CD276: variants seen among roughly 807,000 people sequenced by gnomAD.
CD276 encodes the protein CD276 molecule, also known as CD276 antigen.
A neutral mutation model predicts 50.0 loss-of-function variants in CD276; 34 were observed. The ratio of observed to expected loss-of-function variants is 0.68; its 90% CI spans 0.52 to 0.91. CD276 has a LOEUF of 0.91. Ranked by LOEUF, CD276 falls within the 40% of genes least tolerant of loss-of-function variation. The pLI, the probability that CD276 is intolerant of heterozygous loss-of-function variation, is 0.00. For synonymous variants in CD276, 275 were observed against 313.0 expected (o/e 0.88, Z 1.28); for missense variants, 634 against 717.5 (o/e 0.88, Z 1.33).
At chr15:73,706,592 C>T (rs1201869962) in intron 6 of CD276, among the ~76,000 whole-genome samples, 2 of 152,230 alleles carry the variant, frequency 1.3e-5, no homozygotes, top group Admixed American at 6.5e-5. Context: ...ACCAGCCAGC[C>T]TCCTGTTTCT....
intron 1 of CD276, among the ~76,000 whole-genome samples, chr15:73,688,285 C>T (rs548175313): frequency 8.6e-5 from 13 of 152,036 alleles, no homozygotes; most frequent in South Asian, 2.1e-4. Flanking sequence ...CCCATGCTTG[C>T]GGCAATAATA....
At position 73,703,982 on chromosome 15, in the gene CD276, A is replaced by C; in HGVS notation, c.1057A>C (p.Ser353Arg). ...CCGGGATTTCGGCAGCGCTGCCGTCAGCCTGCAGGTGGCCGGTGAGCACCA... is the reference window on the plus strand; with the variant it reads ...CCGGGATTTCGGCAGCGCTGCCGTCCGCCTGCAGGTGGCCGGTGAGCACCA... ...SIRDFGSAAV[S>R]LQVAAPYSKP... The change falls in exon 5 of 10, where the codon AGC becomes CGC. Residue 353 changes from serine (S) to arginine (R), a missense_variant. Transcript: ENST00000318443. The C allele has an allele frequency of 6.2e-7, 1 of 1,610,046 alleles. No individual in the cohort carries two copies. The highest frequency in any genetic ancestry group is 1.1e-5 in the South Asian group (1 of 90,924).
Position 73,712,994 on chromosome 15 carries a change from T to C in CD276, c.*38T>C. The C allele has an allele frequency of 6.2e-7, 1 of 1,606,014 alleles. No individual in the cohort carries two copies. The highest frequency in any genetic ancestry group is 8.5e-7 in the Non-Finnish European group (1 of 1,173,440). ...GGGAGCTGCTACCCCTCCCTACAGC[T>C]CCTACCCTCTGGCTGCAATGGGGCT... On this transcript the variant is annotated 3_prime_UTR_variant, in exon 10 of 10. Coordinates refer to ENST00000318443, the MANE Select transcript of CD276 (RefSeq NM_001024736.2).
At position 73,711,416 on chromosome 15, in the gene CD276, T is replaced by C. The variant is rs570960362; in HGVS notation, c.1582+246T>C. On this transcript the variant is annotated intron_variant, in intron 9 of 9. Transcript: ENST00000318443. ...AGTTTATTCCTCCTTCCTGTGATAG[T>C]GTGAGCATAGGTAATCGTAAAACCA... is the stretch of plus-strand genomic sequence containing the variant. The C allele has an allele frequency of 1.7e-5, 9 of 522,812 alleles. No homozygotes were observed. The Admixed American group carries it at 2.0e-4, about 12-fold the overall frequency. 32.4% of individuals were successfully genotyped at this position (522,812 alleles called of 1,614,324 possible). A position where few individuals can be genotyped will look rare whatever the true frequency, so the allele number is the denominator to read the frequency against.
At chr15:73,709,013 A>G (rs1269465694) in intron 7 of CD276, among the ~76,000 whole-genome samples, 1 of 152,128 alleles carries the variant, frequency 6.6e-6, no homozygotes, top group East Asian at 1.9e-4. Flanking sequence ...GGGTAAACAG[A>G]TGCATGAGAG....
rs751682061 is a variant in CD276, at chr15:73,704,288, C to A, written c.1185C>A (p.Phe395Leu). 1.2e-5 allele frequency: 19 copies of A among 1,613,928 alleles called. No homozygotes were observed. The highest frequency in any genetic ancestry group is 1.6e-5 in the Non-Finnish European group (19 of 1,180,034). ...GGGGCTACCCTGAGGCTGAGGTGTT[C>A]TGGCAGGATGGGCAGGGTGTGCCCC... ...SYRGYPEAEV[F>L]WQDGQGVPLT... Residue 395 changes from phenylalanine (F) to leucine (L), a missense_variant, in exon 6 of 10, where the codon TTC (phenylalanine) becomes TTA (leucine). Transcript: ENST00000318443. The surrounding 1 kb of genome is among the most constrained non-coding windows in gnomAD (Gnocchi z 4.1).
rs551642207 is a variant in CD276, at chr15:73,714,247, C to T, written c.*1291C>T. The T allele has an allele frequency of 6.7e-5, 13 of 193,198 alleles. No individual in the cohort carries two copies. The highest frequency in any genetic ancestry group is 3.1e-4 in the African/African-American group (13 of 41,758). The allele number at this position is 193,198 out of a possible 1,614,324, so 12.0% of individuals were successfully genotyped here. On this transcript the variant is annotated 3_prime_UTR_variant, in exon 10 of 10. Coordinates refer to ENST00000318443, the MANE Select transcript of CD276 (RefSeq NM_001024736.2). ...AGGCAGAGCCTGGGGCAGGGCAGGGCCAGGAATGCTTTGGGGACACCGAGG... is the reference window on the plus strand; with the variant it reads ...AGGCAGAGCCTGGGGCAGGGCAGGGTCAGGAATGCTTTGGGGACACCGAGG...
intron 1 of CD276, among the ~76,000 whole-genome samples, chr15:73,692,459 G>A (rs1162755939): frequency 6.6e-6 from 1 of 152,002 alleles, no homozygotes; most frequent in Non-Finnish European, 1.5e-5. Context: ...TTTACTCCTC[G>A]GTGAAATAGG....
intron 1 of CD276, among the ~76,000 whole-genome samples, chr15:73,694,046 T>C (rs1487509153): frequency 6.6e-6 from 1 of 152,226 alleles, no homozygotes; most frequent in South Asian, 2.1e-4. Context: ...ATGACTGCCA[T>C]GTCCCTCTGT....
chr15:73,684,578 G>GT, intron 1 of CD276, 118 bp downstream of exon 1: 2 of 151,972 alleles, frequency 1.3e-5, no homozygotes, highest in Non-Finnish European at 2.9e-5. Flanking sequence ...AGCTGAGCAG[G>GT]GCGCCTTCCC....
rs747401348 is a variant in CD276, at chr15:73,702,388, T to C, written c.213T>C (p.Asp71=). ...TCAACCTCATCTGGCAGCTGACAGATACCAAACAGCTGGTGCACAGCTTTG... is the reference window on the plus strand; with the variant it reads ...TCAACCTCATCTGGCAGCTGACAGACACCAAACAGCTGGTGCACAGCTTTG... The part of the protein sequence containing the change: ...AQLNLIWQLT[D]TKQLVHSFAE... The change falls in exon 3 of 10, where the codon GAT becomes GAC. Residue 71 remains aspartate (D), a synonymous_variant. Transcript: ENST00000318443. 16 of 1,613,620 alleles carry C rather than the reference T, an allele frequency of 9.9e-6. No homozygotes were observed. Among genetic ancestry groups the C allele is most frequent in the South Asian group, 4.4e-5 (4 of 91,094 alleles).
chr15:73,709,571 C>T, intron 7 of CD276, 77 bp from the exon 8 acceptor site: 1 of 1,462,522 alleles, frequency 6.8e-7, no homozygotes, highest in Non-Finnish European at 9.6e-7. Context: ...GCTTCCTGCA[C>T]TCTCAGGTGG....
Position 73,703,894 on chromosome 15 carries a change from A to C in CD276, c.969A>C (p.Ala323=), listed in dbSNP as rs777160529. 7.4e-6 allele frequency: 12 copies of C among 1,613,596 alleles called. No homozygotes were observed. The highest frequency in any genetic ancestry group is 1.0e-5 in the Non-Finnish European group (12 of 1,180,010). ...CGGACCTGCTGGCACAAGGCAATGC[A>C]TCCCTGAGGCTGCAGCGCGTGCGTG... The part of the protein sequence containing the change: ...LFPDLLAQGN[A]SLRLQRVRVA... Residue 323 remains alanine, a synonymous_variant, in exon 5 of 10, where the codon GCA becomes GCC. Coordinates refer to ENST00000318443, the MANE Select transcript of CD276 (RefSeq NM_001024736.2).
rs1567023177 is a variant in CD276 at position 73,708,482 on chromosome 15, G to A, written c.1504+9G>A. On this transcript the variant is annotated intron_variant, in intron 7 of 9. Coordinates refer to ENST00000318443, the MANE Select transcript of CD276 (RefSeq NM_001024736.2). Reference sequence around the variant, plus strand: ...TGAGGAGGAGAATGCAGGTGAGTGTGTGTGTATGTGTGTGCGTGCGCATGC... The same window carrying A: ...TGAGGAGGAGAATGCAGGTGAGTGTATGTGTATGTGTGTGCGTGCGCATGC... 1 of 1,610,338 alleles carries A rather than the reference G, an allele frequency of 6.2e-7. No individual in the cohort carries two copies. The highest frequency in any genetic ancestry group is 2.2e-5 in the East Asian group (1 of 44,724).
At chr15:73,712,665 T>C (rs1481892357) in intron 9 of CD276, among the ~76,000 whole-genome samples, 1 of 151,630 alleles carries the variant, frequency 6.6e-6, no homozygotes, top group Admixed American at 6.6e-5. Flanking sequence ...TGGAGGGAAG[T>C]GTATCGGGCT....
At chr15:73,694,610 G>A (rs1230809622) in intron 1 of CD276, among the ~76,000 whole-genome samples, 2 of 152,096 alleles carry the variant, frequency 1.3e-5, no homozygotes, top group Non-Finnish European at 2.9e-5. Context: ...CTGCTCTGCC[G>A]TCCTCAGGGT....
chr15:73,696,137 T>C (rs1835436211), intron 1 of CD276, among the ~76,000 whole-genome samples: 1 of 152,210 alleles, frequency 6.6e-6, no homozygotes, highest in African/African-American at 2.4e-5. Context: ...CCGAAGGTGC[T>C]CTGTGGTTTT....
intron 1 of CD276, among the ~76,000 whole-genome samples, chr15:73,697,396 G>A (rs980083374): frequency 2.0e-5 from 3 of 151,716 alleles, no homozygotes; most frequent in Admixed American, 1.3e-4. Flanking sequence ...GGGTGTGCCT[G>A]GCTGGGATTG....
rs767928742 is a variant in CD276 at position 73,709,643 on chromosome 15, T to C, written c.1505-5T>C. The C allele has an allele frequency of 1.2e-6, 2 of 1,613,114 alleles. No individual in the cohort carries two copies. Among genetic ancestry groups the C allele is most frequent in the South Asian group, 2.2e-5 (2 of 90,866 alleles). ...TTTGTTTATTCTGAGTTCTTGCCTTTGCAGGAGCTGAGGACCAGGATGGGG... is the reference window on the plus strand; with the variant it reads ...TTTGTTTATTCTGAGTTCTTGCCTTCGCAGGAGCTGAGGACCAGGATGGGG... On this transcript the variant is annotated splice_polypyrimidine_tract_variant and splice_region_variant and intron_variant, in intron 7 of 9. Coordinates refer to ENST00000318443, the MANE Select transcript of CD276 (RefSeq NM_001024736.2).
Sources: allele counts gnomAD v4.1 joint callset (sites outside exome capture counted in the v4.1 genomes callset), GRCh38; gene constraint gnomAD v4.1.1; non-coding constraint Gnocchi (gnomAD v3.1); transcripts MANE v1.5; gene names NCBI Gene and HGNC (gene_info 2026-07-23, HGNC 2026-07-21).